Variants in PTPRN2 observed in about 807,000 individuals in gnomAD.
PTPRN2 encodes receptor-type tyrosine-protein phosphatase N2.
PTPRN2 carries 74 observed loss-of-function variants against 118.8 expected under a neutral mutation model. The ratio of observed to expected loss-of-function variants is 0.62; its 90% CI spans 0.52 to 0.76. PTPRN2 has a LOEUF of 0.76. PTPRN2 is among the 30% of genes least tolerant of loss of function. The pLI, the probability that PTPRN2 is intolerant of heterozygous loss-of-function variation, is 0.00. For synonymous variants in PTPRN2, 641 were observed against 608.0 expected (o/e 1.05, Z -0.80); for missense variants, 1,481 against 1,394.4 (o/e 1.06, Z -0.99).
chr7:158,585,080 C>T (rs1245590183), intron 1 of PTPRN2, among the ~76,000 whole-genome samples: 1 of 152,314 alleles, frequency 6.6e-6, no homozygotes, highest in African/African-American at 2.4e-5. Context: ...CATCTTTAAT[C>T]GAGCCTCATT....
intron 2 of PTPRN2, among the ~76,000 whole-genome samples, chr7:158,334,649 CATAATTGGTG>C (rs1805231636): frequency 1.1e-5 from 1 of 93,436 alleles, no homozygotes; most frequent in Non-Finnish European, 2.5e-5. Flanking sequence ...ACACTCTCAC[CATAATTGGTG>C]ACACCTGCAG....
At chr7:157,572,731 G>C (rs1799818668) in intron 19 of PTPRN2, among the ~76,000 whole-genome samples, 1 of 152,236 alleles carries the variant, frequency 6.6e-6, no homozygotes, top group Admixed American at 6.5e-5. Flanking sequence ...TGGACTCGGC[G>C]TGCCCACCTG....
intron 14 of PTPRN2, among the ~76,000 whole-genome samples, chr7:157,649,856 T>C (rs1215682974): frequency 6.9e-6 from 1 of 144,334 alleles, no homozygotes; most frequent in African/African-American, 2.6e-5. Flanking sequence ...ACTCGGTGGG[T>C]TGGACCCACC....
chr7:157,929,028 A>G lies in PTPRN2; in HGVS notation c.1724-30291T>C, dbSNP rs1375073215. Among the ~76,000 whole-genome samples, 1 of 152,158 alleles carries G rather than the reference A, an allele frequency of 6.6e-6. No homozygotes were observed. The highest frequency in any genetic ancestry group is 2.4e-5 in the African/African-American group (1 of 41,428). Reference sequence around the variant, plus strand: ...GGGGACATGGAGATGGTTTAACCTCACATGCCCACTTTAGAGGCAGGAGAG... The same window carrying G: ...GGGGACATGGAGATGGTTTAACCTCGCATGCCCACTTTAGAGGCAGGAGAG... On this transcript the variant is annotated intron_variant, in intron 11 of 22. Transcript: ENST00000389418. The surrounding 1 kb of genome is among the most constrained non-coding windows in gnomAD (Gnocchi z 4.4).
chr7:158,351,761 T>C (rs1807957115), intron 2 of PTPRN2, among the ~76,000 whole-genome samples: 1 of 152,118 alleles, frequency 6.6e-6, no homozygotes, highest in South Asian at 2.1e-4. Flanking sequence ...ATCATTTTCA[T>C]TCAGGGGGGC....
intron 10 of PTPRN2, among the ~76,000 whole-genome samples, chr7:158,089,866 AC>A (rs368465918): frequency 0.015 from 943 of 63,172 alleles, 5 homozygotes; most frequent in African/African-American, 0.04. Context: ...CTTCACACAA[AC>A]CCTTCCTCCC....
In PTPRN2 at chr7:157,615,603, G is replaced by A. The variant is rs896411935; in HGVS notation, c.2344+5759C>T. On this transcript the variant is annotated intron_variant, in intron 15 of 22. Transcript: ENST00000389418. This position sits in a 1 kb window ranked among gnomAD's most constrained non-coding sequence, Gnocchi z 4.3. ...AAGTCCCGCGGTGGATCCGCGTCAC[G>A]GGGGAGGATTGGCTCAGCACTGGTC... 1.5e-5 allele frequency: 7 copies of A among 471,112 alleles called. No homozygotes were observed. The highest frequency in any genetic ancestry group is 8.0e-5 in the African/African-American group (4 of 50,090). The allele number at this position is 471,112 out of a possible 1,614,324, so 29.2% of individuals were successfully genotyped here.
chr7:158,274,412 A>AGGGGGAGCCGCAGACAGACATG (rs1798814196), intron 3 of PTPRN2, among the ~76,000 whole-genome samples: 1 of 128,828 alleles, frequency 7.8e-6, no homozygotes, highest in African/African-American at 3.0e-5. Flanking sequence ...CCACAGGCAC[A>AGGGGGAGCCGCAGACAGACATG]GGGGGAGCCG....
chr7:157,656,613 G>A (rs1806115050), intron 13 of PTPRN2, 62 bp from the exon 14 acceptor site: 2 of 1,407,298 alleles, frequency 1.4e-6, no homozygotes. Flanking sequence ...AGCAGGACGA[G>A]GGCCACGGCA....
chr7:157,897,603 G>A (rs931525164), intron 12 of PTPRN2, among the ~76,000 whole-genome samples: 2 of 152,188 alleles, frequency 1.3e-5, no homozygotes, highest in African/African-American at 4.8e-5. Context: ...CACCCTGCCC[G>A]TCATTTAACC....
intron 4 of PTPRN2, among the ~76,000 whole-genome samples, chr7:158,199,395 G>A (rs1826457597): frequency 2.0e-5 from 3 of 152,184 alleles, no homozygotes; most frequent in Admixed American, 2.0e-4. Flanking sequence ...GGCTTACTCT[G>A]CTTAAGGGAC....
chr7:158,271,738 C>A (rs766528399), intron 3 of PTPRN2, among the ~76,000 whole-genome samples: 5 of 152,170 alleles, frequency 3.3e-5, no homozygotes, highest in Non-Finnish European at 5.9e-5. Context: ...TGTCGGTGAG[C>A]GCCCACTTTT....
intron 11 of PTPRN2, among the ~76,000 whole-genome samples, chr7:157,950,355 C>T (rs1388421323): frequency 2.6e-5 from 4 of 152,150 alleles, no homozygotes; most frequent in African/African-American, 9.7e-5. Context: ...TCCCGTCCTG[C>T]TCTAAAATGT....
chr7:157,860,581 G>A (rs77576998), intron 12 of PTPRN2, among the ~76,000 whole-genome samples: 3,159 of 152,312 alleles, frequency 0.021, 124 homozygotes, highest in African/African-American at 0.073. Context: ...GTGTGAACGC[G>A]TTTCCACGCT....
chr7:158,196,987 A>C (rs1826259712), intron 4 of PTPRN2, among the ~76,000 whole-genome samples: 6 of 152,154 alleles, frequency 3.9e-5, no homozygotes, highest in African/African-American at 1.4e-4. Flanking sequence ...GGTAGATATG[A>C]GTCAAGGAGC....
chr7:157,575,720 A>G (rs1585051856), intron 19 of PTPRN2, among the ~76,000 whole-genome samples: 2 of 152,338 alleles, frequency 1.3e-5, no homozygotes, highest in East Asian at 3.9e-4. Context: ...AGTAACTGTT[A>G]AGAATCAAGT....
chr7:157,721,930 C>G (rs1230825600), intron 12 of PTPRN2, among the ~76,000 whole-genome samples: 2 of 152,234 alleles, frequency 1.3e-5, no homozygotes, highest in Non-Finnish European at 2.9e-5. Flanking sequence ...TATGTGTCTT[C>G]AAACGAGAAC....
At chr7:158,407,075 T>C (rs1306824552) in intron 2 of PTPRN2, among the ~76,000 whole-genome samples, 4 of 151,986 alleles carry the variant, frequency 2.6e-5, no homozygotes, top group African/African-American at 4.8e-5. Context: ...CATCCGCCTG[T>C]GAGGAGGTCG....
At chr7:157,790,604 A>G (rs920063753) in intron 12 of PTPRN2, among the ~76,000 whole-genome samples, 4 of 152,186 alleles carry the variant, frequency 2.6e-5, no homozygotes, top group African/African-American at 7.2e-5. Flanking sequence ...CACAAGTGGG[A>G]AATTGTGTAA....
Sources: gnomAD v4.1 joint callset for allele counts (sites outside exome capture counted in the v4.1 genomes callset) on GRCh38, gnomAD v4.1.1 for gene constraint, Gnocchi (gnomAD v3.1) non-coding constraint, MANE v1.5 for transcripts, NCBI Gene and HGNC (gene_info 2026-07-23, HGNC 2026-07-21) for gene names.